COL11A1: variants seen among roughly 807,000 people sequenced by gnomAD.
The protein encoded by COL11A1 is collagen type XI alpha 1 chain.
In COL11A1, 74 loss-of-function variants were observed where a neutral mutation model predicts 265.2. That is an observed-to-expected ratio of 0.28 (90% CI 0.23 to 0.34). The LOEUF (loss-of-function observed/expected upper bound fraction) is 0.34. Among genes scored for constraint, COL11A1 ranks in the 10% least tolerant of loss-of-function variants. The probability of loss-of-function intolerance (pLI) is 1.00; values close to 1 mark genes in which losing one functional copy is unlikely to be tolerated. For synonymous variants in COL11A1, 816 were observed against 727.6 expected (o/e 1.12, Z -1.96); for missense variants, 2,165 against 2,263.6 (o/e 0.96, Z 0.88).
intron 66 of COL11A1, 53 bp from the exon 67 acceptor site, chr1:102,878,218 T>C (rs1309356147): frequency 2.0e-6 from 3 of 1,510,330 alleles, no homozygotes; most frequent in Admixed American, 1.9e-5. Flanking sequence ...TATTTTTAAA[T>C]GCATCTTATT....
chr1:102,974,140 A>G (rs1209393135), intron 36 of COL11A1, among the ~76,000 whole-genome samples: 5 of 151,646 alleles, frequency 3.3e-5, no homozygotes, highest in Non-Finnish European at 7.4e-5. Context: ...CAGGTGGGTA[A>G]GCTGACTCCC....
chr1:103,091,484 T>C (rs1032303987), intron 1 of COL11A1, among the ~76,000 whole-genome samples: 3 of 152,088 alleles, frequency 2.0e-5, no homozygotes, highest in Non-Finnish European at 1.5e-5. Flanking sequence ...ATCTAATCTT[T>C]GTAGTCAACA....
At chr1:102,988,440 TTC>T (rs774120591) in intron 29 of COL11A1, among the ~76,000 whole-genome samples, 1 of 152,168 alleles carries the variant, frequency 6.6e-6, no homozygotes, top group Non-Finnish European at 1.5e-5. Flanking sequence ...GAGTTTGCAA[TTC>T]CCCTGTCTGG....
At position 102,984,204 on chromosome 1, in the gene COL11A1, T is replaced by C; in HGVS notation, c.2503-13A>G. ...CTCCAAGTTTTCCCTACAGTTAAAA[T>C]ATATAATAATCAAAGTAATATTTTA... On this transcript the variant is annotated splice_polypyrimidine_tract_variant and intron_variant, in intron 30 of 66. Transcript: ENST00000370096. The C allele has an allele frequency of 2.0e-6, 3 of 1,523,544 alleles. No homozygotes were observed. The highest frequency in any genetic ancestry group is 2.7e-6 in the Non-Finnish European group (3 of 1,105,754). 94.4% of individuals were successfully genotyped at this position (1,523,544 alleles called of 1,614,324 possible).
chr1:103,031,303 A>G (rs1467404223), intron 4 of COL11A1, 59 bp from the exon 5 acceptor site: 2 of 1,567,732 alleles, frequency 1.3e-6, no homozygotes, highest in Admixed American at 3.4e-5. Context: ...ATATTAAAGT[A>G]CACATATACC....
intron 4 of COL11A1, among the ~76,000 whole-genome samples, chr1:103,064,059 A>G (rs972772602): frequency 5.9e-5 from 9 of 152,182 alleles, no homozygotes; most frequent in African/African-American, 1.4e-4. Flanking sequence ...CAAAACAGTG[A>G]TGACAAAAAC....
At chr1:102,990,018 C>T (rs538894642) in intron 28 of COL11A1, among the ~76,000 whole-genome samples, 5 of 152,108 alleles carry the variant, frequency 3.3e-5, no homozygotes, top group African/African-American at 1.2e-4. Context: ...AAACCCATCT[C>T]TACAAAAAAT....
chr1:102,972,868 A>C (rs916448639), intron 36 of COL11A1, among the ~76,000 whole-genome samples: 1 of 152,076 alleles, frequency 6.6e-6, no homozygotes, highest in Non-Finnish European at 1.5e-5. Context: ...AATCATTTCA[A>C]GTTAATGTGT....
At chr1:102,913,534 T>G in intron 53 of COL11A1, 103 bp downstream of exon 53, 1 of 1,109,714 alleles carries the variant, frequency 9.0e-7, no homozygotes, top group Non-Finnish European at 1.4e-6. Flanking sequence ...AAAGTGCATA[T>G]ACATAGAGCT....
At chr1:103,102,673 CTAAACA>C (rs1252468239) in intron 1 of COL11A1, among the ~76,000 whole-genome samples, 1 of 151,852 alleles carries the variant, frequency 6.6e-6, no homozygotes, top group Non-Finnish European at 1.5e-5. Flanking sequence ...TTTTAAATAC[CTAAACA>C]TAATCATTAA....
At chr1:103,091,147 T>A (rs140976302) in intron 1 of COL11A1, among the ~76,000 whole-genome samples, 1 of 152,252 alleles carries the variant, frequency 6.6e-6, no homozygotes, top group Non-Finnish European at 1.5e-5. Context: ...GAAATTGATA[T>A]AACTATAGCT....
At chr1:103,070,644 T>TAC (rs2102259204) in intron 4 of COL11A1, among the ~76,000 whole-genome samples, 2 of 152,028 alleles carry the variant, frequency 1.3e-5, no homozygotes, top group South Asian at 4.1e-4. Context: ...CACAGCTGTA[T>TAC]ACATAAGTCA....
chr1:102,897,958 T>C (rs1027792283), intron 57 of COL11A1, among the ~76,000 whole-genome samples, 167 bp downstream of exon 57: 1 of 152,202 alleles, frequency 6.6e-6, no homozygotes, highest in Admixed American at 6.5e-5. Context: ...ATTTTCCATA[T>C]ACCTATCAGT....
At chr1:102,975,003 G>A in intron 35 of COL11A1, 120 bp from the exon 36 acceptor site, 1 of 764,104 alleles carries the variant, frequency 1.3e-6, no homozygotes, top group South Asian at 1.5e-5. Flanking sequence ...TCATCACAGT[G>A]ACAGAACTAT....
intron 49 of COL11A1, 137 bp downstream of exon 49, chr1:102,920,174 T>A: frequency 1.2e-6 from 1 of 852,820 alleles, no homozygotes; most frequent in South Asian, 1.4e-5. Flanking sequence ...TTTTTGCAAC[T>A]ACTAGATGAC....
At chr1:103,004,796 A>C (rs2101844928) in intron 18 of COL11A1, 135 bp from the exon 19 acceptor site, 1 of 676,448 alleles carries the variant, frequency 1.5e-6, no homozygotes, top group East Asian at 2.8e-5. Context: ...CCTCCTCAAA[A>C]AATTTTGCAG....
intron 4 of COL11A1, among the ~76,000 whole-genome samples, chr1:103,056,664 A>C (rs886495315): frequency 2.0e-5 from 3 of 152,190 alleles, no homozygotes; most frequent in Non-Finnish European, 4.4e-5. Context: ...CTGGGATTTC[A>C]TCATAGTTTA....
At chr1:103,019,124 C>G (rs940937241) in intron 9 of COL11A1, among the ~76,000 whole-genome samples, 34 of 152,106 alleles carry the variant, frequency 2.2e-4, no homozygotes, top group African/African-American at 8.0e-4. Flanking sequence ...GGAGAATATG[C>G]TAAGTGCTCC....
intron 4 of COL11A1, among the ~76,000 whole-genome samples, chr1:103,045,747 T>C (rs1347917616): frequency 6.6e-6 from 1 of 151,960 alleles, no homozygotes; most frequent in Non-Finnish European, 1.5e-5. Flanking sequence ...TAGGTATATC[T>C]CCTAATGCTA....
Sources: gnomAD v4.1 joint callset for allele counts (sites outside exome capture counted in the v4.1 genomes callset) on GRCh38, gnomAD v4.1.1 for gene constraint, MANE v1.5 for transcripts, NCBI Gene and HGNC (gene_info 2026-07-23, HGNC 2026-07-21) for gene names.